The following CERT1 variants were observed in gnomAD, a reference collection of about 807,000 sequenced individuals.
The protein encoded by CERT1 is ceramide transfer protein.
CERT1 carries 31 observed loss-of-function variants against 87.9 expected under a neutral mutation model. That is an observed-to-expected ratio of 0.35 (90% CI 0.27 to 0.48). The LOEUF (loss-of-function observed/expected upper bound fraction) is 0.48. Ranked by LOEUF, CERT1 falls within the 20% of genes least tolerant of loss-of-function variation. The pLI is 0.99. For synonymous variants in CERT1, 289 were observed against 250.9 expected (o/e 1.15, Z -1.44); for missense variants, 487 against 758.0 (o/e 0.64, Z 4.20).
intron 2 of CERT1, among the ~76,000 whole-genome samples, chr5:75,471,314 ATACTT>A (rs1765697076): frequency 6.6e-6 from 1 of 152,224 alleles, no homozygotes; most frequent in African/African-American, 2.4e-5. Context: ...ACTCTACTGA[ATACTT>A]TAGACAATTA....
chr5:75,448,889 A>G (rs1485812724), intron 3 of CERT1, among the ~76,000 whole-genome samples: 2 of 152,190 alleles, frequency 1.3e-5, no homozygotes, highest in African/African-American at 4.8e-5. Context: ...TTGTTATCTA[A>G]ATAGTTTACA....
rs947697776 is a variant in CERT1, at chr5:75,384,635, T to A, written c.1488+7A>T. The A allele has an allele frequency of 2.5e-6, 4 of 1,584,626 alleles. No individual in the cohort carries two copies. Among genetic ancestry groups the A allele is most frequent in the African/African-American group, 1.3e-5 (1 of 74,508 alleles). On this transcript the variant is annotated splice_region_variant and intron_variant, in intron 14 of 16. Coordinates refer to ENST00000643780, the MANE Select transcript of CERT1 (RefSeq NM_001379029.1). ...AATCCTTTTAGGATGAATGAAGAGA[T>A]CTTTACCTTGTGTGTTTGATAAATG...
chr5:75,495,179 G>C (rs139390177), intron 2 of CERT1, among the ~76,000 whole-genome samples: 1 of 152,126 alleles, frequency 6.6e-6, no homozygotes, highest in Non-Finnish European at 1.5e-5. Context: ...TTTAAAATAC[G>C]TAATTGTTGG....
chr5:75,437,059 T>A lies in CERT1; in HGVS notation c.349-10581A>T, dbSNP rs1049969744. Among the ~76,000 whole-genome samples, 9 of 152,330 alleles carry A rather than the reference T, an allele frequency of 5.9e-5. No individual in the cohort carries two copies. In the East Asian group the frequency reaches 1.5e-3, roughly 26 times the overall value. The stretch of plus-strand genomic sequence containing the variant: ...CCTTGGCCTCTCAAAGTCCTGGGAT[T>A]ACAGGCAGGAGCCACTGTAACTGGC... On this transcript the variant is annotated intron_variant, in intron 3 of 16. Coordinates refer to ENST00000643780, the MANE Select transcript of CERT1 (RefSeq NM_001379029.1).
intron 3 of CERT1, among the ~76,000 whole-genome samples, chr5:75,429,594 G>C (rs999835277): frequency 5.9e-5 from 9 of 152,102 alleles, no homozygotes; most frequent in African/African-American, 2.2e-4. Context: ...TGAGGCAGAA[G>C]AATCACTTGA....
rs1013075815 is a variant in CERT1 at position 75,452,219 on chromosome 5, TGTAAAAATTACCATTTGG to T, written c.348+6828_348+6845del. Among the ~76,000 whole-genome samples, 20 of 152,302 alleles carry T rather than the reference TGTAAAAATTACCATTTGG, an allele frequency of 1.3e-4. No homozygotes were observed. In the South Asian group the frequency reaches 4.1e-3, roughly 32 times the overall value. Reference sequence around the variant, plus strand: ...ATTCCCACTACAGAAAATCAACATCTGTAAAAATTACCATTTGGATTCTTCCTCCCTAATTTTATATTT... The same window carrying T: ...ATTCCCACTACAGAAAATCAACATCTATTCTTCCTCCCTAATTTTATATTT... On this transcript the variant is annotated intron_variant, in intron 3 of 16. Transcript: ENST00000643780.
intron 2 of CERT1, among the ~76,000 whole-genome samples, chr5:75,491,261 G>A (rs1441111589): frequency 2.0e-5 from 3 of 152,086 alleles, no homozygotes; most frequent in African/African-American, 7.2e-5. Context: ...GTAGAGAAGA[G>A]GGTTGTAGGC....
chr5:75,475,676 T>G (rs1175270932), intron 2 of CERT1, among the ~76,000 whole-genome samples: 1 of 151,950 alleles, frequency 6.6e-6, no homozygotes, highest in Non-Finnish European at 1.5e-5. Context: ...GTTTTCCTGC[T>G]TGGGGGCTTA....
intron 11 of CERT1, among the ~76,000 whole-genome samples, chr5:75,392,331 A>G (rs1762059718): frequency 6.6e-6 from 1 of 152,202 alleles, no homozygotes; most frequent in African/African-American, 2.4e-5. Flanking sequence ...TCAATGGAAA[A>G]CCGGTTTTCA....
At chr5:75,473,694 C>A (rs749554233) in intron 2 of CERT1, among the ~76,000 whole-genome samples, 3 of 152,108 alleles carry the variant, frequency 2.0e-5, no homozygotes, top group African/African-American at 7.2e-5. Context: ...TGATTACATA[C>A]TATGTTCTTG....
chr5:75,434,779 C>T (rs1445913951), intron 3 of CERT1, among the ~76,000 whole-genome samples: 1 of 151,952 alleles, frequency 6.6e-6, no homozygotes, highest in African/African-American at 2.4e-5. Flanking sequence ...AGTTTTTGTG[C>T]ACAGAGGTTT....
rs951765768 is a variant in CERT1, at chr5:75,377,915, G to A, written c.*1431C>T. On this transcript the variant is annotated 3_prime_UTR_variant, in exon 17 of 17. Coordinates refer to ENST00000643780, the MANE Select transcript of CERT1 (RefSeq NM_001379029.1). ...CGATCTTCCTGCTTCAGCCTCCCAAGTACCTAGGACTATACATGTATACCA... is the reference window on the plus strand; with the variant it reads ...CGATCTTCCTGCTTCAGCCTCCCAAATACCTAGGACTATACATGTATACCA... 1 of 152,214 alleles carries A rather than the reference G, an allele frequency of 6.6e-6. No homozygotes were observed. Among genetic ancestry groups the A allele is most frequent in the African/African-American group, 2.4e-5 (1 of 41,422 alleles). 9.4% of individuals were successfully genotyped at this position (152,214 alleles called of 1,614,324 possible).
chr5:75,499,095 A>C (rs956479583), intron 2 of CERT1, among the ~76,000 whole-genome samples: 2 of 152,278 alleles, frequency 1.3e-5, no homozygotes, highest in African/African-American at 2.4e-5. Flanking sequence ...GAATAGGTGT[A>C]TTTACCCACT....
intron 2 of CERT1, among the ~76,000 whole-genome samples, chr5:75,467,224 G>A (rs1765491941): frequency 6.6e-6 from 1 of 152,128 alleles, no homozygotes; most frequent in South Asian, 2.1e-4. Flanking sequence ...GCTATATACT[G>A]TATGATTCCA....
intron 2 of CERT1, among the ~76,000 whole-genome samples, chr5:75,503,983 T>C (rs935957875): frequency 3.8e-5 from 1 of 26,144 alleles, no homozygotes; most frequent in Non-Finnish European, 8.0e-5. Context: ...AGAATAACTA[T>C]ATTTAAATCC....
chr5:75,482,210 G>A (rs1303145272), intron 2 of CERT1, among the ~76,000 whole-genome samples: 1 of 152,070 alleles, frequency 6.6e-6, no homozygotes, highest in Non-Finnish European at 1.5e-5. Context: ...AGGCCTTGCA[G>A]GATTCACCAC....
chr5:75,458,276 A>G (rs1167361236), intron 3 of CERT1, among the ~76,000 whole-genome samples: 1 of 152,158 alleles, frequency 6.6e-6, no homozygotes, highest in Non-Finnish European at 1.5e-5. Flanking sequence ...TATTTATATA[A>G]AAAAGACTTT....
At chr5:75,410,786 C>G in intron 8 of CERT1, 1 of 308,140 alleles carries the variant, frequency 3.2e-6, no homozygotes, top group Non-Finnish European at 5.8e-6. Flanking sequence ...GTGAACAGGC[C>G]TAATACTAAG....
chr5:75,403,672 G>A (rs1762593280), intron 8 of CERT1, among the ~76,000 whole-genome samples: 1 of 152,188 alleles, frequency 6.6e-6, no homozygotes, highest in Admixed American at 6.5e-5. Context: ...ATTGTTTCAT[G>A]GGGAAATAAA....
Sources: gnomAD v4.1 joint callset for allele counts (sites outside exome capture counted in the v4.1 genomes callset) on GRCh38, gnomAD v4.1.1 for gene constraint, MANE v1.5 for transcripts, NCBI Gene and HGNC (gene_info 2026-07-23, HGNC 2026-07-21) for gene names.